The following FANCA variants were observed in gnomAD, a reference collection of about 807,000 sequenced individuals.
FANCA encodes the protein Fanconi anemia group A protein.
In FANCA, 236 loss-of-function variants were observed where a neutral mutation model predicts 194.3. That is an observed-to-expected ratio of 1.21 (90% CI 1.09 to 1.35). The LOEUF (loss-of-function observed/expected upper bound fraction) is 1.35. Among genes scored for constraint, FANCA ranks in the 40% most tolerant of loss-of-function variants. The probability of loss-of-function intolerance (pLI) is 0.00; values close to 1 mark genes in which losing one functional copy is unlikely to be tolerated. For missense variants in FANCA, 2,628 were observed against 1,813.9 expected (o/e 1.45, Z -8.15); for synonymous variants, 1,014 against 715.8 (o/e 1.42, Z -6.65).
intron 26 of FANCA, 148 bp from the exon 27 acceptor site, chr16:89,767,385 T>G: frequency 3.0e-6 from 2 of 677,418 alleles, no homozygotes; most frequent in Admixed American, 4.3e-5. Flanking sequence ...GTTCGTTTGT[T>G]GTGAGACAGT....
chr16:89,799,973 G>GA (rs2040389175), intron 8 of FANCA, among the ~76,000 whole-genome samples: 1 of 152,136 alleles, frequency 6.6e-6, no homozygotes, highest in African/African-American at 2.4e-5. Flanking sequence ...CGGCCCGGGC[G>GA]AAAGAGCCAG....
At chr16:89,808,398 A>G in intron 5 of FANCA, 31 bp from the exon 6 acceptor site, 7 of 1,606,612 alleles carry the variant, frequency 4.4e-6, no homozygotes, top group Non-Finnish European at 6.0e-6. Context: ...AACAAAAACA[A>G]AAACAAAAAA....
At chr16:89,756,436 C>A (rs2038769327) in intron 30 of FANCA, among the ~76,000 whole-genome samples, 1 of 152,162 alleles carries the variant, frequency 6.6e-6, no homozygotes. Flanking sequence ...CAAGACCAGT[C>A]TGGCCAACAT....
In FANCA at chr16:89,742,799, C is replaced by T; in HGVS notation, c.3765+1G>A. The stretch of plus-strand genomic sequence containing the variant: ...ATCAGTAAAAGAATTTCCTATCTTG[C>T]CTCCTCTCTCTCGCAGTCCAGCTTC... On this transcript the variant is annotated splice_donor_variant, in intron 37 of 42. Transcript: ENST00000389301. LOFTEE classifies it high-confidence loss of function. The T allele has an allele frequency of 6.2e-7, 1 of 1,613,956 alleles. No individual in the cohort carries two copies. The highest frequency in any genetic ancestry group is 8.5e-7 in the Non-Finnish European group (1 of 1,179,940).
chr16:89,772,511 A>T (rs953285471), intron 22 of FANCA, among the ~76,000 whole-genome samples: 7 of 151,234 alleles, frequency 4.6e-5, no homozygotes, highest in South Asian at 2.1e-4. Flanking sequence ...GTCTCAAAAA[A>T]ATATATATAT....
rs137880366 is a variant in FANCA, at chr16:89,764,966, G to A, written c.2702C>T (p.Ala901Val). The stretch of plus-strand genomic sequence containing the variant: ...AGAGAGGGCAGCTCTCTGCCAGTCT[G>A]CAGAAGGAAGGTGCAAGGGTCTCCA... ...LSWRPLHLPSADWQRAALSLW... is the reference protein window; with the variant it reads ...LSWRPLHLPSVDWQRAALSLW... Residue 901 changes from alanine (A) to valine (V), a missense_variant, in exon 28 of 43, where the codon GCA becomes GTA. Ala to Val is a moderately conservative substitution (Grantham distance 64). Transcript: ENST00000389301. 8 of 1,614,084 alleles carry A rather than the reference G, an allele frequency of 5.0e-6. No homozygotes were observed. The highest frequency in any genetic ancestry group is 2.7e-5 in the African/African-American group (2 of 74,926).
chr16:89,755,708 C>T (rs887607389), intron 30 of FANCA, among the ~76,000 whole-genome samples: 17 of 152,200 alleles, frequency 1.1e-4, no homozygotes, highest in African/African-American at 3.9e-4. Context: ...ATAAAGAACT[C>T]ATACAACTCA....
At chr16:89,741,947 C>A (rs950928586) in intron 37 of FANCA, among the ~76,000 whole-genome samples, 10 of 151,642 alleles carry the variant, frequency 6.6e-5, no homozygotes, top group Non-Finnish European at 1.2e-4. Flanking sequence ...AGACCCCCAT[C>A]TCTTTTAATT....
chr16:89,813,844 G>A (rs551503600), intron 3 of FANCA, among the ~76,000 whole-genome samples: 6 of 151,354 alleles, frequency 4.0e-5, no homozygotes, highest in South Asian at 2.1e-4. Context: ...CCGTGTGCAC[G>A]TGCGTGCATG....
intron 30 of FANCA, among the ~76,000 whole-genome samples, chr16:89,757,552 C>T (rs1479327352): frequency 5.3e-5 from 8 of 152,192 alleles, no homozygotes; most frequent in Non-Finnish European, 7.3e-5. Context: ...AATCCATGAA[C>T]ATAAAATGGA....
chr16:89,774,683 T>C (rs978835364), intron 21 of FANCA, among the ~76,000 whole-genome samples: 6 of 130,152 alleles, frequency 4.6e-5, no homozygotes, highest in Non-Finnish European at 9.4e-5. Context: ...CGAGCTGAGA[T>C]TGCGCCACTG....
chr16:89,785,714 G>A (rs1364809430), intron 14 of FANCA, among the ~76,000 whole-genome samples: 1 of 152,116 alleles, frequency 6.6e-6, no homozygotes, highest in Non-Finnish European at 1.5e-5. Context: ...AAAACCAGAC[G>A]AGCTCCTGCC....
intron 20 of FANCA, among the ~76,000 whole-genome samples, chr16:89,778,099 G>A (rs1157716142): frequency 7.1e-6 from 1 of 140,734 alleles, no homozygotes; most frequent in East Asian, 2.2e-4. Context: ...GAGGTGGAGG[G>A]TGCAGTGAGC....
At chr16:89,813,837 TGTGCACGTGC>T (rs1417128930) in intron 3 of FANCA, among the ~76,000 whole-genome samples, 1 of 151,622 alleles carries the variant, frequency 6.6e-6, no homozygotes, top group Admixed American at 6.6e-5. Context: ...TGTGTGTCCG[TGTGCACGTGC>T]GTGCATGTAC....
chr16:89,749,343 G>A (rs903513812), intron 32 of FANCA, among the ~76,000 whole-genome samples: 1 of 152,178 alleles, frequency 6.6e-6, no homozygotes, highest in African/African-American at 2.4e-5. Context: ...CTCCCGAGTA[G>A]CTGGGATTAC....
At chr16:89,794,130 T>G (rs1181357650) in intron 11 of FANCA, among the ~76,000 whole-genome samples, 3 of 152,248 alleles carry the variant, frequency 2.0e-5, no homozygotes, top group Admixed American at 6.5e-5. Flanking sequence ...ACCATCTCCC[T>G]GTTTGTTGCC....
At chr16:89,776,456 C>A (rs184271445) in intron 20 of FANCA, among the ~76,000 whole-genome samples, 4 of 151,868 alleles carry the variant, frequency 2.6e-5, no homozygotes, top group South Asian at 2.1e-4. Flanking sequence ...CGTGAGCCAC[C>A]ACGCCCAGCA....
At position 89,738,363 on chromosome 16, in the gene FANCA, T is replaced by G; in HGVS notation, c.*238A>C. ...GGAGGGTGCTGCCCGCCCTTGGTGCTGGAGGCGGGCTTGGTGTCCGGCTCA... is the reference window on the plus strand; with the variant it reads ...GGAGGGTGCTGCCCGCCCTTGGTGCGGGAGGCGGGCTTGGTGTCCGGCTCA... On this transcript the variant is annotated 3_prime_UTR_variant, in exon 43 of 43. Coordinates refer to ENST00000389301, the MANE Select transcript of FANCA (RefSeq NM_000135.4). 1 of 1,457,140 alleles carries G rather than the reference T, an allele frequency of 6.9e-7. No individual in the cohort carries two copies. Among genetic ancestry groups the G allele is most frequent in the South Asian group, 1.3e-5 (1 of 74,634 alleles). 90.3% of individuals were successfully genotyped at this position (1,457,140 alleles called of 1,614,324 possible).
intron 37 of FANCA, among the ~76,000 whole-genome samples, chr16:89,741,992 G>C (rs562219364): frequency 1.3e-5 from 2 of 151,234 alleles, no homozygotes; most frequent in East Asian, 3.9e-4. Flanking sequence ...TTTGAGACAA[G>C]TCTCGCTCTG....
Sources: gnomAD v4.1 joint callset for allele counts (sites outside exome capture counted in the v4.1 genomes callset) on GRCh38, gnomAD v4.1.1 for gene constraint, MANE v1.5 for transcripts, NCBI Gene and HGNC (gene_info 2026-07-23, HGNC 2026-07-21) for gene names.